The following TPST1 variants were observed in gnomAD, a reference collection of about 807,000 sequenced individuals.
TPST1 encodes tyrosylprotein sulfotransferase 1, also known as protein-tyrosine sulfotransferase 1.
A neutral mutation model predicts 34.8 loss-of-function variants in TPST1; 20 were observed. That is an observed-to-expected ratio of 0.57 (90% CI 0.40 to 0.84). The LOEUF (loss-of-function observed/expected upper bound fraction) is 0.84. Among genes scored for constraint, TPST1 ranks in the 40% least tolerant of loss-of-function variants. The pLI, the probability that TPST1 is intolerant of heterozygous loss-of-function variation, is 0.00. For missense variants in TPST1, 353 were observed against 455.5 expected, an observed-to-expected ratio of 0.78 and a Z score of 2.05; for synonymous variants, 152 against 159.4, an observed-to-expected ratio of 0.95 and a Z score of 0.35.
At chr7:66,276,544 C>T (rs553202764) in intron 2 of TPST1, among the ~76,000 whole-genome samples, 16 of 151,180 alleles carry the variant, frequency 1.1e-4, no homozygotes, top group African/African-American at 3.6e-4. Flanking sequence ...TGGCTAATAT[C>T]TTCTATTTTC....
intron 3 of TPST1, among the ~76,000 whole-genome samples, chr7:66,313,366 G>A (rs913916020): frequency 1.3e-5 from 2 of 152,246 alleles, no homozygotes; most frequent in Admixed American, 1.3e-4. Flanking sequence ...AGTGAGCCAA[G>A]ATCATGCCAT....
chr7:66,261,472 G>C (rs1447156272), intron 2 of TPST1, among the ~76,000 whole-genome samples: 1 of 152,010 alleles, frequency 6.6e-6, no homozygotes, highest in Non-Finnish European at 1.5e-5. Context: ...ACAATCATTT[G>C]ATAGATTAGT....
At position 66,286,670 on chromosome 7, in the gene TPST1, C is replaced by G; in HGVS notation, c.1005C>G (p.Tyr335Ter). The change falls in exon 3 of 6, where the codon TAC becomes TAG. Residue 335 changes from tyrosine (Y) to a stop codon, truncating the protein, a stop_gained. Transcript: ENST00000304842. LOFTEE classifies it high-confidence loss of function. The stretch of plus-strand genomic sequence containing the variant: ...ACCCATATGCCAACCCACCTAACTA[C>G]GGAAAACCTGATCCCAAAATTATTG... ...GYDPYANPPN[Y>*]GKPDPKIIEN... is the part of the protein sequence containing the mutation. 1 of 1,586,852 alleles carries G rather than the reference C, an allele frequency of 6.3e-7. No homozygotes were observed. The highest frequency in any genetic ancestry group is 8.6e-7 in the Non-Finnish European group (1 of 1,165,094).
At chr7:66,278,505 C>T (rs1171205494) in intron 2 of TPST1, among the ~76,000 whole-genome samples, 2 of 152,040 alleles carry the variant, frequency 1.3e-5, no homozygotes, top group African/African-American at 2.4e-5. Flanking sequence ...AGACATTGGG[C>T]CGGGCGCAGT....
At chr7:66,273,206 GAATA>G (rs1395983955) in intron 2 of TPST1, among the ~76,000 whole-genome samples, 2 of 152,072 alleles carry the variant, frequency 1.3e-5, no homozygotes, top group East Asian at 3.8e-4. Context: ...AAAGACTTAT[GAATA>G]AATTTAAAAT....
At chr7:66,342,973 A>G (rs1484632253) in intron 3 of TPST1, among the ~76,000 whole-genome samples, 1 of 152,126 alleles carries the variant, frequency 6.6e-6, no homozygotes, top group African/African-American at 2.4e-5. Context: ...AGCCCTCTCT[A>G]GCCTTCCTGT....
At chr7:66,205,044 G>A (rs956403558), upstream of TPST1, among the ~76,000 whole-genome samples, 1 of 152,236 alleles carries the variant, frequency 6.6e-6, no homozygotes, top group Non-Finnish European at 1.5e-5. The surrounding 1 kb of genome is among the most constrained non-coding windows in gnomAD (Gnocchi z 5.0). Flanking sequence ...GGCCACGCGC[G>A]CTGTTGCTAG....
intron 3 of TPST1, among the ~76,000 whole-genome samples, chr7:66,316,893 C>T (rs928294044): frequency 2.0e-5 from 3 of 152,016 alleles, no homozygotes; most frequent in Admixed American, 6.6e-5. Context: ...GGACACATGG[C>T]GGAGAACAAG....
intron 3 of TPST1, among the ~76,000 whole-genome samples, chr7:66,296,283 A>C (rs1791196969): frequency 8.6e-6 from 1 of 116,698 alleles, no homozygotes; most frequent in Admixed American, 1.1e-4. Context: ...GCCTATCTTT[A>C]AAGTGACAGA....
intron 5 of TPST1, 44 bp from the exon 6 acceptor site, chr7:66,359,851 C>G: frequency 2.2e-6 from 1 of 456,408 alleles, no homozygotes. Flanking sequence ...GGAGAACACA[C>G]CGGGACTCCA....
At chr7:66,274,371 A>G (rs1282098775) in intron 2 of TPST1, among the ~76,000 whole-genome samples, 1 of 151,876 alleles carries the variant, frequency 6.6e-6, no homozygotes, top group Non-Finnish European at 1.5e-5. Flanking sequence ...CGTCTGAAAA[A>G]AAAAAAAAGA....
chr7:66,347,005 T>C (rs1333064826), intron 3 of TPST1, among the ~76,000 whole-genome samples: 1 of 151,290 alleles, frequency 6.6e-6, no homozygotes, highest in Non-Finnish European at 1.5e-5. Context: ...TTTTTGTATA[T>C]GGCAAGAGAT....
intron 3 of TPST1, among the ~76,000 whole-genome samples, chr7:66,343,531 C>T (rs944503650): frequency 1.3e-5 from 2 of 152,060 alleles, no homozygotes; most frequent in Non-Finnish European, 2.9e-5. Context: ...GTAACCTGCA[C>T]GTGTACCCCT....
At chr7:66,296,764 T>C (rs1023221683) in intron 3 of TPST1, among the ~76,000 whole-genome samples, 4 of 140,774 alleles carry the variant, frequency 2.8e-5, no homozygotes, top group African/African-American at 1.1e-4. Context: ...TTACCCAATA[T>C]TGAATGGATA....
At chr7:66,325,590 A>G (rs1419590886) in intron 3 of TPST1, among the ~76,000 whole-genome samples, 2 of 150,032 alleles carry the variant, frequency 1.3e-5, no homozygotes, top group Non-Finnish European at 3.0e-5. Context: ...AGTAGCTGGG[A>G]CTACAGACAT....
intron 2 of TPST1, among the ~76,000 whole-genome samples, chr7:66,252,143 C>T (rs376196741): frequency 3.8e-4 from 54 of 142,644 alleles, no homozygotes; most frequent in Middle Eastern, 4.5e-3. Context: ...CTGCAAGCTC[C>T]GCCTCCCGGG....
At chr7:66,268,109 C>T (rs761421010) in intron 2 of TPST1, among the ~76,000 whole-genome samples, 2 of 152,042 alleles carry the variant, frequency 1.3e-5, no homozygotes, top group Non-Finnish European at 2.9e-5. Flanking sequence ...TGTGCCACCA[C>T]GCCCAGCTAA....
chr7:66,334,517 TC>T (rs1792055862), intron 3 of TPST1, among the ~76,000 whole-genome samples: 1 of 151,454 alleles, frequency 6.6e-6, no homozygotes, highest in Non-Finnish European at 1.5e-5. Flanking sequence ...GTGCCTGTAA[TC>T]CCAGCTACTC....
intron 1 of TPST1, among the ~76,000 whole-genome samples, chr7:66,218,113 AAG>A (rs1789463437): frequency 6.6e-6 from 1 of 151,036 alleles, no homozygotes; most frequent in Non-Finnish European, 1.5e-5. Context: ...CCCTGACCTC[AAG>A]TGATCTGCCC....
Sources: gnomAD v4.1 joint callset for allele counts (sites outside exome capture counted in the v4.1 genomes callset) on GRCh38, gnomAD v4.1.1 for gene constraint, Gnocchi (gnomAD v3.1) non-coding constraint, MANE v1.5 for transcripts, NCBI Gene and HGNC (gene_info 2026-07-23, HGNC 2026-07-21) for gene names.